Variants in BPI observed in about 807,000 individuals in gnomAD.
BPI encodes bactericidal permeability increasing protein.
In BPI, 48 loss-of-function variants were observed where a neutral mutation model predicts 57.6. That is an observed-to-expected ratio of 0.83 (90% CI 0.66 to 1.06). BPI has a LOEUF of 1.06. Among genes scored for constraint, BPI ranks in the 50% least tolerant of loss-of-function variants. The pLI, the probability that BPI is intolerant of heterozygous loss-of-function variation, is 0.00. For missense variants in BPI, 651 were observed against 609.7 expected (o/e 1.07, Z -0.71); for synonymous variants, 237 against 238.2 (o/e 0.99, Z 0.05).
At chr20:38,322,916 T>A (rs921997617) in intron 7 of BPI, among the ~76,000 whole-genome samples, 5 of 152,208 alleles carry the variant, frequency 3.3e-5, no homozygotes, top group African/African-American at 1.2e-4. Flanking sequence ...GCCCATCTTA[T>A]TATTATTAAG....
Position 38,308,995 on chromosome 20 carries a change from A to G in BPI, c.311A>G (p.Lys104Arg). ...QISMVPNVGL[K>R]FSISNANIKI... is the part of the protein sequence containing the mutation. The stretch of plus-strand genomic sequence containing the variant: ...AGCATGGTGCCCAATGTGGGCCTTA[A>G]GTTCTCCATCAGCAACGCCAATATC... The change falls in exon 3 of 15, where the codon AAG becomes AGG. Residue 104 changes from lysine (K) to arginine (R), a missense_variant. Transcript: ENST00000642449. 1 of 1,614,232 alleles carries G rather than the reference A, an allele frequency of 6.2e-7. No homozygotes were observed. Among genetic ancestry groups the G allele is most frequent in the Non-Finnish European group, 8.5e-7 (1 of 1,180,032 alleles).
At chr20:38,329,724 T>C (rs529419853) in intron 11 of BPI, among the ~76,000 whole-genome samples, 1 of 151,712 alleles carries the variant, frequency 6.6e-6, no homozygotes, top group Non-Finnish European at 1.5e-5. Flanking sequence ...TTTTATTTAT[T>C]TTTTTTTAGA....
intron 13 of BPI, among the ~76,000 whole-genome samples, chr20:38,334,731 T>C (rs1471725945): frequency 6.6e-6 from 1 of 152,174 alleles, no homozygotes; most frequent in Non-Finnish European, 1.5e-5. Flanking sequence ...AAAACCCCCA[T>C]GAGATGAAGG....
At chr20:38,331,737 G>A (rs1378774508) in intron 12 of BPI, among the ~76,000 whole-genome samples, 1 of 151,916 alleles carries the variant, frequency 6.6e-6, no homozygotes, top group Non-Finnish European at 1.5e-5. Context: ...CAGATACCTG[G>A]GAGTCTGAGG....
chr20:38,316,954 A>T (rs1227862314), intron 5 of BPI, among the ~76,000 whole-genome samples: 1 of 152,164 alleles, frequency 6.6e-6, no homozygotes, highest in Non-Finnish European at 1.5e-5. Context: ...ATCTTCAGTG[A>T]AGGAGGAAGA....
intron 13 of BPI, 69 bp downstream of exon 13, chr20:38,334,562 C>T: frequency 1.4e-6 from 2 of 1,461,842 alleles, no homozygotes; most frequent in Non-Finnish European, 1.9e-6. Context: ...TTACCCACAG[C>T]CACCTGTTAC....
At chr20:38,311,576 A>G (rs536018405) in intron 4 of BPI, among the ~76,000 whole-genome samples, 3 of 152,312 alleles carry the variant, frequency 2.0e-5, no homozygotes, top group South Asian at 4.1e-4. Flanking sequence ...ATGGGAGGAC[A>G]CACAGGAGAG....
chr20:38,305,057 C>G (rs2076590594), intron 1 of BPI, among the ~76,000 whole-genome samples: 1 of 152,210 alleles, frequency 6.6e-6, no homozygotes, highest in African/African-American at 2.4e-5. Flanking sequence ...GATGCTGCCT[C>G]CCGATGGCAG....
intron 12 of BPI, among the ~76,000 whole-genome samples, chr20:38,334,087 T>C (rs1041777179): frequency 2.0e-5 from 3 of 152,372 alleles, no homozygotes; most frequent in African/African-American, 4.8e-5. Flanking sequence ...CTTACTGCAG[T>C]GTCTGAGAGG....
chr20:38,313,054 C>T (rs939249363), intron 5 of BPI, among the ~76,000 whole-genome samples: 3 of 152,144 alleles, frequency 2.0e-5, no homozygotes, highest in Non-Finnish European at 2.9e-5. Flanking sequence ...GAGGAAATTA[C>T]TTGACCTTCT....
At chr20:38,328,257 A>C (rs1291449909) in intron 11 of BPI, among the ~76,000 whole-genome samples, 1 of 152,206 alleles carries the variant, frequency 6.6e-6, no homozygotes, top group African/African-American at 2.4e-5. Flanking sequence ...CCGACTGTCA[A>C]ATAAGCCCAG....
chr20:38,324,870 G>C (rs755087904), intron 9 of BPI, 37 bp downstream of exon 9: 1 of 1,549,100 alleles, frequency 6.5e-7, no homozygotes, highest in East Asian at 2.2e-5. Flanking sequence ...TGAGCCCCGG[G>C]GGTTCTGGGA....
At chr20:38,313,911 G>A (rs2076634710) in intron 5 of BPI, among the ~76,000 whole-genome samples, 3 of 151,308 alleles carry the variant, frequency 2.0e-5, no homozygotes, top group South Asian at 4.2e-4. Context: ...TGATTCTGAG[G>A]ATGATAATGA....
intron 12 of BPI, among the ~76,000 whole-genome samples, chr20:38,333,743 TA>T (rs1423537147): frequency 6.8e-6 from 1 of 148,126 alleles, no homozygotes; most frequent in Non-Finnish European, 1.5e-5. Flanking sequence ...GTGATTCCCC[TA>T]TTGTTGGACA....
rs192837065 is a variant in BPI at position 38,309,807 on chromosome 20, C to T, written c.375-684C>T. 1.3e-3 allele frequency among the ~76,000 whole-genome samples: 197 copies of T among 152,270 alleles called. 2 individuals carry two copies. The highest frequency in any genetic ancestry group is 4.4e-3 in the Admixed American group (67 of 15,294). On this transcript the variant is annotated intron_variant, in intron 3 of 14. Coordinates refer to ENST00000642449, the MANE Select transcript of BPI (RefSeq NM_001725.3). ...ATTAGCAATAGTGGTTCAGACTGACCATCGCTTTAGGAAGGTCTCCTTTCT... is the reference window on the plus strand; with the variant it reads ...ATTAGCAATAGTGGTTCAGACTGACTATCGCTTTAGGAAGGTCTCCTTTCT...
At chr20:38,321,163 GGAT>G (rs2076682776) in intron 7 of BPI, among the ~76,000 whole-genome samples, 1 of 143,224 alleles carries the variant, frequency 7.0e-6, no homozygotes, top group African/African-American at 2.6e-5. Context: ...ATGGATGGAT[GGAT>G]GGATGGATGG....
chr20:38,320,474 AC>A (rs2076675943), intron 7 of BPI, among the ~76,000 whole-genome samples, 200 bp downstream of exon 7: 1 of 113,878 alleles, frequency 8.8e-6, no homozygotes, highest in African/African-American at 3.5e-5. Context: ...TGCCTGCCCC[AC>A]CCCCCTCCAA....
chr20:38,337,266 C>A lies in BPI; in HGVS notation c.*82C>A. The A allele has an allele frequency of 1.6e-6, 2 of 1,253,190 alleles. No homozygotes were observed. The highest frequency in any genetic ancestry group is 2.2e-6 in the Non-Finnish European group (2 of 893,504). 77.6% of individuals were successfully genotyped at this position (1,253,190 alleles called of 1,614,324 possible). On this transcript the variant is annotated 3_prime_UTR_variant, in exon 15 of 15. Coordinates refer to ENST00000642449, the MANE Select transcript of BPI (RefSeq NM_001725.3). The stretch of plus-strand genomic sequence containing the variant: ...CACCGGCTGCCTTTCCCCAGGGAAT[C>A]CTCTCCAGATCTTAACCAAGAGCCC...
intron 5 of BPI, among the ~76,000 whole-genome samples, chr20:38,314,133 A>G (rs977006344): frequency 7.7e-6 from 1 of 129,938 alleles, no homozygotes; most frequent in Non-Finnish European, 1.7e-5. Context: ...GATGATGATG[A>G]TGATGGTGGT....
Sources: allele counts gnomAD v4.1 joint callset (sites outside exome capture counted in the v4.1 genomes callset), GRCh38; gene constraint gnomAD v4.1.1; transcripts MANE v1.5; gene names NCBI Gene and HGNC (gene_info 2026-07-23, HGNC 2026-07-21).